DDX21: variants seen among roughly 807,000 people sequenced by gnomAD.
The protein encoded by DDX21 is DExD-box helicase 21, also known as nucleolar RNA helicase 2.
DDX21 carries 18 observed loss-of-function variants against 90.0 expected under a neutral mutation model. The observed-to-expected ratio is 0.20, with a 90% CI of 0.14 to 0.30. The LOEUF is 0.30. DDX21 is among the 10% of genes least tolerant of loss of function. DDX21 has a pLI of 1.00. For missense variants in DDX21, 673 were observed against 944.5 expected, an observed-to-expected ratio of 0.71 and a Z score of 3.77; for synonymous variants, 294 against 318.0, an observed-to-expected ratio of 0.92 and a Z score of 0.80.
chr10:68,968,474 G>T (rs1842972803), intron 6 of DDX21, among the ~76,000 whole-genome samples: 3 of 152,202 alleles, frequency 2.0e-5, no homozygotes, highest in Admixed American at 2.0e-4. Context: ...CTTTAGGATA[G>T]ATTTCCAGAA....
chr10:68,958,982 A>G (rs1842837809), intron 1 of DDX21, among the ~76,000 whole-genome samples: 2 of 152,240 alleles, frequency 1.3e-5, no homozygotes, highest in South Asian at 4.1e-4. Flanking sequence ...CCTCTGTACC[A>G]CAACCTGGGT....
At position 68,982,586 on chromosome 10, in the gene DDX21, C is replaced by T. The variant is rs1184433555; in HGVS notation, c.2126C>T (p.Thr709Ile). 2 of 1,613,504 alleles carry T rather than the reference C, an allele frequency of 1.2e-6. No homozygotes were observed. The highest frequency in any genetic ancestry group is 2.7e-5 in the African/African-American group (2 of 74,850). The change falls in exon 15 of 15, where the codon ACA (threonine) becomes ATA (isoleucine). Residue 709 changes from threonine to isoleucine, a missense_variant. By Grantham distance (89) the Thr-to-Ile change is moderately conservative. Transcript: ENST00000354185. ...CGACGCTGGCAGCTCTCTGTGGCCA[C>T]AGAGCAACCAGAACTGGAAGGACCA... is the stretch of plus-strand genomic sequence containing the variant. Reference protein sequence around the residue: ...DSRRWQLSVATEQPELEGPRE... With the variant: ...DSRRWQLSVAIEQPELEGPRE...
At chr10:68,975,623 G>A (rs1843087037) in intron 11 of DDX21, among the ~76,000 whole-genome samples, 1 of 152,170 alleles carries the variant, frequency 6.6e-6, no homozygotes, top group Non-Finnish European at 1.5e-5. Context: ...CATATTAATA[G>A]TTCAGGAAAG....
intron 10 of DDX21, among the ~76,000 whole-genome samples, chr10:68,973,945 C>G (rs952390768): frequency 2.0e-5 from 3 of 152,116 alleles, no homozygotes; most frequent in Non-Finnish European, 2.9e-5. Context: ...GTAGGAATTG[C>G]TTGAAAATCA....
At chr10:68,977,767 C>A (rs912611482) in intron 12 of DDX21, 79 bp downstream of exon 12, 1 of 1,392,056 alleles carries the variant, frequency 7.2e-7, no homozygotes, top group Middle Eastern at 2.7e-4. Flanking sequence ...TTTAAGCTTC[C>A]CAGTTGTTTT....
intron 6 of DDX21, among the ~76,000 whole-genome samples, chr10:68,968,210 C>T (rs985395074): frequency 1.4e-4 from 22 of 152,122 alleles, no homozygotes; most frequent in African/African-American, 5.1e-4. Context: ...CACCCTGTCA[C>T]TCAGGCTATA....
intron 14 of DDX21, 128 bp from the exon 15 acceptor site, chr10:68,982,415 C>T: frequency 7.6e-7 from 1 of 1,309,896 alleles, no homozygotes; most frequent in Non-Finnish European, 1.0e-6. Flanking sequence ...TATTTTTGAC[C>T]AGTGACTTGT....
chr10:68,973,935 G>A (rs961909145), intron 10 of DDX21, among the ~76,000 whole-genome samples: 1 of 152,206 alleles, frequency 6.6e-6, no homozygotes, highest in Admixed American at 6.5e-5. Flanking sequence ...TTGAGGGGCT[G>A]TAGGAATTGC....
At chr10:68,975,483 A>G (rs563256792) in intron 11 of DDX21, among the ~76,000 whole-genome samples, 1 of 152,334 alleles carries the variant, frequency 6.6e-6, no homozygotes, top group South Asian at 2.1e-4. Context: ...ATGGTGACCT[A>G]TGTTCTCTGT....
rs1029375249 is a variant in DDX21, at chr10:68,983,486, T to C, written c.*674T>C. The C allele has an allele frequency of 1.5e-4, 23 of 152,168 alleles. No individual in the cohort carries two copies. Among genetic ancestry groups the C allele is most frequent in the African/African-American group, 5.6e-4 (23 of 41,432 alleles). 9.4% of individuals were successfully genotyped at this position (152,168 alleles called of 1,614,324 possible). ...CATGCTTTAGTGAATTCTTCATAGA[T>C]AGTATATATAAAAGTACATTTTAAT... On this transcript the variant is annotated 3_prime_UTR_variant, in exon 15 of 15. Transcript: ENST00000354185.
At position 68,977,530 on chromosome 10, in the gene DDX21, C is replaced by T; in HGVS notation, c.1744C>T (p.Leu582Phe). The change falls in exon 12 of 15, where the codon CTT becomes TTT. Residue 582 changes from leucine (L) to phenylalanine (F), a missense_variant and splice_region_variant. By Grantham distance (22) the Leu-to-Phe change is conservative (BLOSUM62 0). Coordinates refer to ENST00000354185, the MANE Select transcript of DDX21 (RefSeq NM_004728.4). ...IKASSKDAIRLLDSVPPTAIS... is the reference protein window; with the variant it reads ...IKASSKDAIRFLDSVPPTAIS... ...TCCTAACACACTCTCAAACAACAGG[C>T]TTTTGGATTCCGTGCCTCCCACTGC... 1 of 1,606,720 alleles carries T rather than the reference C, an allele frequency of 6.2e-7. No homozygotes were observed. The highest frequency in any genetic ancestry group is 8.5e-7 in the Non-Finnish European group (1 of 1,175,072).
chr10:68,959,309 C>A (rs919870504), intron 1 of DDX21, among the ~76,000 whole-genome samples: 5 of 152,020 alleles, frequency 3.3e-5, no homozygotes, highest in Non-Finnish European at 7.4e-5. Flanking sequence ...GCCTGGGCAA[C>A]ATGGGAAAAC....
At chr10:68,964,420 GT>G (rs1173497096) in intron 4 of DDX21, among the ~76,000 whole-genome samples, 1 of 152,108 alleles carries the variant, frequency 6.6e-6, no homozygotes, top group East Asian at 1.9e-4. Flanking sequence ...AATCATATTA[GT>G]TTCATACCAT....
At chr10:68,956,668 C>A in intron 1 of DDX21, 2 of 1,098,554 alleles carry the variant, frequency 1.8e-6, no homozygotes, top group Non-Finnish European at 2.2e-6. Context: ...AGAGTTGGAC[C>A]TTCAGTCAGG....
intron 11 of DDX21, among the ~76,000 whole-genome samples, chr10:68,975,967 T>G (rs1436871779): frequency 1.3e-5 from 2 of 151,550 alleles, no homozygotes; most frequent in African/African-American, 4.9e-5. Context: ...GAGAATCACT[T>G]GAACCCGAGA....
chr10:68,958,685 C>T (rs1338969821), intron 1 of DDX21, among the ~76,000 whole-genome samples: 21 of 152,162 alleles, frequency 1.4e-4, no homozygotes. Flanking sequence ...GATTCGCCCT[C>T]CTTGGCCTCC....
rs371933841 is a variant in DDX21, at chr10:68,960,253, C to T, written c.531+4C>T. 17 of 1,587,500 alleles carry T rather than the reference C, an allele frequency of 1.1e-5. No homozygotes were observed. Among genetic ancestry groups the T allele is most frequent in the Non-Finnish European group, 1.5e-5 (17 of 1,171,950 alleles). ...AAGTAACAGTGAGATAGAGCAGGTA[C>T]ATTTGCACTTCATTGGGTAGAAGAT... On this transcript the variant is annotated splice_donor_region_variant and intron_variant, in intron 2 of 14. Coordinates refer to ENST00000354185, the MANE Select transcript of DDX21 (RefSeq NM_004728.4).
chr10:68,960,446 G>C (rs1453331945), intron 2 of DDX21, among the ~76,000 whole-genome samples, 197 bp downstream of exon 2: 7 of 151,712 alleles, frequency 4.6e-5, no homozygotes, highest in Non-Finnish European at 5.9e-5. Flanking sequence ...GCTCAGCTAA[G>C]AGTACTCTGT....
At position 68,976,164 on chromosome 10, in the gene DDX21, CTGCAGTG is replaced by C. The variant is rs1196429381; in HGVS notation, c.1743-1364_1743-1358del. Among the ~76,000 whole-genome samples, 23 of 151,640 alleles carry C rather than the reference CTGCAGTG, an allele frequency of 1.5e-4. 1 individual carries two copies. Among genetic ancestry groups the C allele is most frequent in the African/African-American group, 4.4e-4 (18 of 41,366 alleles). ...ATTGCATGAGCCCAGGAGGTTGAGG[CTGCAGTG>C]AGCTGTGGTTGTGCTAATGTACTCC... On this transcript the variant is annotated intron_variant, in intron 11 of 14. Coordinates refer to ENST00000354185, the MANE Select transcript of DDX21 (RefSeq NM_004728.4).
Sources: gnomAD v4.1 joint callset for allele counts (sites outside exome capture counted in the v4.1 genomes callset) on GRCh38, gnomAD v4.1.1 for gene constraint, MANE v1.5 for transcripts, NCBI Gene and HGNC (gene_info 2026-07-23, HGNC 2026-07-21) for gene names.